ATRNL1: variants seen among roughly 807,000 people sequenced by gnomAD.
ATRNL1 encodes attractin-like protein 1.
In ATRNL1, 95 loss-of-function variants were observed where a neutral mutation model predicts 182.7. That is an observed-to-expected ratio of 0.52 (90% CI 0.44 to 0.62). The LOEUF is 0.62. Among genes scored for constraint, ATRNL1 ranks in the 20% least tolerant of loss-of-function variants. The pLI, the probability that ATRNL1 is intolerant of heterozygous loss-of-function variation, is 0.00. For missense variants in ATRNL1, 1,471 were observed against 1,679.5 expected, an observed-to-expected ratio of 0.88 and a Z score of 2.17; for synonymous variants, 576 against 568.3, an observed-to-expected ratio of 1.01 and a Z score of -0.19.
intron 8 of ATRNL1, among the ~76,000 whole-genome samples, chr10:115,176,650 G>A (rs1194435433): frequency 6.6e-6 from 1 of 152,022 alleles, no homozygotes; most frequent in African/African-American, 2.4e-5. Flanking sequence ...GCCATCAACC[G>A]ACATGTAGTA....
intron 28 of ATRNL1, among the ~76,000 whole-genome samples, chr10:115,898,475 TCTACTGTGTGCCTGGCAGTG>T (rs1360491165): frequency 9.2e-5 from 14 of 152,256 alleles, no homozygotes; most frequent in East Asian, 7.7e-4. Context: ...TACCCCATGC[TCTACTGTGTGCCTGGCAGTG>T]CTACTGTGTG....
At chr10:115,572,610 A>G (rs1854465792) in intron 26 of ATRNL1, among the ~76,000 whole-genome samples, 1 of 152,170 alleles carries the variant, frequency 6.6e-6, no homozygotes, top group Non-Finnish European at 1.5e-5. Context: ...AAGAGATTCA[A>G]GAGGGGAAGG....
At chr10:115,642,457 T>G (rs1269546578) in intron 26 of ATRNL1, among the ~76,000 whole-genome samples, 1 of 152,070 alleles carries the variant, frequency 6.6e-6, no homozygotes, top group Non-Finnish European at 1.5e-5. Flanking sequence ...TTTTCTTTTT[T>G]TTTGAGATGG....
At chr10:115,484,720 G>A (rs1848936887) in intron 24 of ATRNL1, among the ~76,000 whole-genome samples, 1 of 151,674 alleles carries the variant, frequency 6.6e-6, no homozygotes, top group Non-Finnish European at 1.5e-5. Flanking sequence ...GTTGTCTTCT[G>A]AGGAATACTA....
At chr10:115,463,024 A>AAT (rs782248750) in intron 22 of ATRNL1, among the ~76,000 whole-genome samples, 1 of 151,576 alleles carries the variant, frequency 6.6e-6, no homozygotes, top group Admixed American at 6.6e-5. Context: ...AGTTATGTTA[A>AAT]ATATATATAT....
intron 9 of ATRNL1, among the ~76,000 whole-genome samples, chr10:115,233,514 A>G (rs1235628238): frequency 6.6e-6 from 1 of 152,112 alleles, no homozygotes; most frequent in South Asian, 2.1e-4. Context: ...TTACAGCTTT[A>G]TATTTTTCTC....
intron 26 of ATRNL1, among the ~76,000 whole-genome samples, chr10:115,584,114 G>C (rs1410891517): frequency 6.6e-6 from 1 of 151,358 alleles, no homozygotes; most frequent in Non-Finnish European, 1.5e-5. Flanking sequence ...CTCGATCATG[G>C]TGGATAAGCT....
intron 26 of ATRNL1, among the ~76,000 whole-genome samples, chr10:115,630,729 TATC>T (rs577134527): frequency 1.4e-3 from 211 of 147,818 alleles, no homozygotes; most frequent in African/African-American, 4.5e-3. Context: ...ATTTAATAGA[TATC>T]ATATATCTAT....
chr10:115,154,618 C>G (rs1471812598), intron 5 of ATRNL1, among the ~76,000 whole-genome samples: 1 of 152,074 alleles, frequency 6.6e-6, no homozygotes, highest in African/African-American at 2.4e-5. Flanking sequence ...AACATATAGT[C>G]TATCCTGGAG....
At chr10:115,435,299 T>C (rs1438876062) in intron 21 of ATRNL1, among the ~76,000 whole-genome samples, 2 of 152,044 alleles carry the variant, frequency 1.3e-5, no homozygotes, top group South Asian at 2.1e-4. Flanking sequence ...GATTGGGACC[T>C]TTAAGAGGTG....
At chr10:115,621,272 TATATAGAG>T (rs1451590092) in intron 26 of ATRNL1, among the ~76,000 whole-genome samples, 9 of 48,456 alleles carry the variant, frequency 1.9e-4, no homozygotes, top group Non-Finnish European at 2.3e-4. Flanking sequence ...TATATATATA[TATATAGAG>T]AGAGAGAGAG....
chr10:115,534,336 T>C (rs374521456), intron 25 of ATRNL1, among the ~76,000 whole-genome samples: 1 of 152,144 alleles, frequency 6.6e-6, no homozygotes, highest in Non-Finnish European at 1.5e-5. Flanking sequence ...TCTTGTTGAA[T>C]TGATCCCTTT....
chr10:115,477,767 CA>C (rs1482833051), intron 24 of ATRNL1, among the ~76,000 whole-genome samples: 3 of 151,464 alleles, frequency 2.0e-5, no homozygotes, highest in African/African-American at 7.3e-5. Context: ...CTTCTGAAAT[CA>C]GCATTTCCTT....
At chr10:115,278,822 A>AT (rs1323449021) in intron 13 of ATRNL1, among the ~76,000 whole-genome samples, 1 of 152,088 alleles carries the variant, frequency 6.6e-6, no homozygotes. Context: ...CAGTTGGATG[A>AT]TTTTTTTATA....
At chr10:115,756,288 C>G (rs1229084747) in intron 27 of ATRNL1, among the ~76,000 whole-genome samples, 1 of 152,128 alleles carries the variant, frequency 6.6e-6, no homozygotes, top group Non-Finnish European at 1.5e-5. Flanking sequence ...CCTGCTTTCT[C>G]TTGTGGGTAT....
At chr10:115,862,614 TACA>T (rs781827539) in intron 28 of ATRNL1, among the ~76,000 whole-genome samples, 1 of 152,228 alleles carries the variant, frequency 6.6e-6, no homozygotes, top group Non-Finnish European at 1.5e-5. Flanking sequence ...TGCAAGCTGG[TACA>T]ACAACCGTGT....
At chr10:115,222,215 A>G (rs1257987111) in intron 9 of ATRNL1, among the ~76,000 whole-genome samples, 3 of 152,124 alleles carry the variant, frequency 2.0e-5, no homozygotes, top group Non-Finnish European at 4.4e-5. Flanking sequence ...GACACAGCTG[A>G]AGGGGGAAAT....
chr10:115,149,200 G>A (rs946933084), intron 5 of ATRNL1, among the ~76,000 whole-genome samples: 13 of 151,976 alleles, frequency 8.6e-5, no homozygotes, highest in African/African-American at 2.4e-4. Context: ...CAGTGTAGAC[G>A]CCTGCACACA....
chr10:115,883,939 G>T (rs1951885185), intron 28 of ATRNL1, among the ~76,000 whole-genome samples: 8 of 152,220 alleles, frequency 5.3e-5, no homozygotes, highest in African/African-American at 1.9e-4. Context: ...ATTTTGAGTA[G>T]CTTGGTGTCC....
Sources: gnomAD v4.1 joint callset for allele counts (sites outside exome capture counted in the v4.1 genomes callset) on GRCh38, gnomAD v4.1.1 for gene constraint, MANE v1.5 for transcripts, NCBI Gene and HGNC (gene_info 2026-07-23, HGNC 2026-07-21) for gene names.